The following PARVA variants were observed in gnomAD, a reference collection of about 807,000 sequenced individuals.
PARVA encodes the protein parvin alpha, also known as alpha-parvin.
PARVA carries 25 observed loss-of-function variants against 52.6 expected under a neutral mutation model. That is an observed-to-expected ratio of 0.48 (90% CI 0.35 to 0.66). PARVA has a LOEUF of 0.66. PARVA is among the 30% of genes least tolerant of loss of function. The pLI, the probability that PARVA is intolerant of heterozygous loss-of-function variation, is 0.01. For missense variants in PARVA, 373 were observed against 450.9 expected (o/e 0.83, Z 1.56); for synonymous variants, 185 against 179.1 (o/e 1.03, Z -0.26).
At chr11:12,380,193 G>A (rs1939465144) in intron 1 of PARVA, among the ~76,000 whole-genome samples, 1 of 140,086 alleles carries the variant, frequency 7.1e-6, no homozygotes, top group Non-Finnish European at 1.5e-5. Flanking sequence ...GGAAAAAGAA[G>A]GCCAATTTAG....
intron 1 of PARVA, among the ~76,000 whole-genome samples, chr11:12,390,912 G>T (rs1302147061): frequency 6.6e-6 from 1 of 152,016 alleles, no homozygotes; most frequent in Non-Finnish European, 1.5e-5. Context: ...CAGCTCTCAG[G>T]ATACAGGCAA....
intron 1 of PARVA, among the ~76,000 whole-genome samples, chr11:12,412,468 CA>C (rs1011689623): frequency 4.3e-4 from 65 of 152,170 alleles, no homozygotes; most frequent in Admixed American, 7.2e-4. Context: ...AAAGGACCAC[CA>C]GGGGGCTCCG....
chr11:12,407,623 G>T (rs1360266509), intron 1 of PARVA, among the ~76,000 whole-genome samples: 1 of 152,100 alleles, frequency 6.6e-6, no homozygotes, highest in Non-Finnish European at 1.5e-5. Context: ...TCTCCTCTTG[G>T]TCTCTTCTCA....
intron 1 of PARVA, among the ~76,000 whole-genome samples, chr11:12,402,478 T>C (rs901768823): frequency 1.3e-5 from 2 of 152,212 alleles, no homozygotes; most frequent in African/African-American, 4.8e-5. Context: ...ATTTCCTTTT[T>C]CCCCCTTGGT....
At chr11:12,401,787 C>A (rs770261673) in intron 1 of PARVA, among the ~76,000 whole-genome samples, 1 of 152,138 alleles carries the variant, frequency 6.6e-6, no homozygotes, top group Non-Finnish European at 1.5e-5. Flanking sequence ...ATCAAGACAG[C>A]CTAATATGTT....
intron 1 of PARVA, among the ~76,000 whole-genome samples, chr11:12,414,484 G>A (rs562734497): frequency 7.8e-4 from 119 of 152,310 alleles, no homozygotes; most frequent in African/African-American, 2.5e-3. Context: ...GGATCTTAAC[G>A]CTCTAAAACT....
intron 4 of PARVA, chr11:12,480,200 G>A (rs1473370346): frequency 6.8e-6 from 1 of 146,956 alleles, no homozygotes; most frequent in African/African-American, 2.5e-5. Context: ...CTCTAGCATG[G>A]GGGACAGAGT....
intron 4 of PARVA, among the ~76,000 whole-genome samples, chr11:12,481,388 T>C (rs962558485): frequency 1.3e-5 from 2 of 152,184 alleles, no homozygotes; most frequent in Non-Finnish European, 1.5e-5. Context: ...TTGGGAGCTC[T>C]TTCAGGTTGC....
intron 1 of PARVA, among the ~76,000 whole-genome samples, chr11:12,425,682 A>G (rs1465623332): frequency 6.6e-6 from 1 of 152,150 alleles, no homozygotes; most frequent in East Asian, 1.9e-4. Flanking sequence ...GTTATTATGT[A>G]CATCTCATAT....
At chr11:12,471,731 T>A (rs1308416385) in intron 1 of PARVA, among the ~76,000 whole-genome samples, 1 of 152,220 alleles carries the variant, frequency 6.6e-6, no homozygotes. Flanking sequence ...CATTGAGTAC[T>A]TGAAATGTGG....
intron 1 of PARVA, among the ~76,000 whole-genome samples, chr11:12,421,098 G>GGC (rs10622435): frequency 6.6e-6 from 1 of 150,436 alleles, no homozygotes; most frequent in South Asian, 2.2e-4. Context: ...TGTCTTGGTG[G>GGC]TCGGAGCTTG....
intron 1 of PARVA, among the ~76,000 whole-genome samples, chr11:12,386,947 G>A (rs950212947): frequency 3.3e-5 from 5 of 152,164 alleles, no homozygotes; most frequent in Non-Finnish European, 5.9e-5. Flanking sequence ...AGTGGGCCCC[G>A]GCCCAAGGAC....
At chr11:12,516,339 A>G (rs1255400251) in intron 10 of PARVA, among the ~76,000 whole-genome samples, 2 of 152,178 alleles carry the variant, frequency 1.3e-5, no homozygotes, top group African/African-American at 4.8e-5. Context: ...CTCCTTTGAA[A>G]GGGTTCTAGA....
At chr11:12,527,818 A>G in intron 12 of PARVA, 31 bp from the exon 13 acceptor site, 1 of 1,559,034 alleles carries the variant, frequency 6.4e-7, no homozygotes, top group Non-Finnish European at 8.9e-7. Context: ...GGCCCCATGG[A>G]AACAATTGGT....
intron 5 of PARVA, among the ~76,000 whole-genome samples, chr11:12,498,043 ATT>A (rs1333779947): frequency 6.6e-6 from 1 of 151,914 alleles, no homozygotes; most frequent in East Asian, 1.9e-4. Context: ...TACTATTATT[ATT>A]TTTTTGTAGA....
chr11:12,523,580 G>C (rs185812604), intron 12 of PARVA, among the ~76,000 whole-genome samples: 1 of 152,056 alleles, frequency 6.6e-6, no homozygotes, highest in East Asian at 1.9e-4. Context: ...ACTCATTTTC[G>C]ATGGTCCTCT....
At position 12,435,968 on chromosome 11, in the gene PARVA, G is replaced by A. The variant is rs145108271; in HGVS notation, c.137-37777G>A. Among the ~76,000 whole-genome samples, 1,508 of 152,056 alleles carry A rather than the reference G, an allele frequency of 9.9e-3. 15 individuals are homozygous for A. The highest frequency in any genetic ancestry group is 0.027 in the African/African-American group (1,099 of 41,466). On this transcript the variant is annotated intron_variant, in intron 1 of 12. Transcript: ENST00000334956. ...CTCCTGAGTAGCTGGGACTACAGGC[G>A]CGTACCACCACACACAGCTAATTTT...
chr11:12,497,023 G>A lies in PARVA; in HGVS notation c.541+425G>A, dbSNP rs759023534. ...CAGTTCTGTCTATTCCAAAGCCCGC[G>A]CCCTTCCAATCCCCCTTCATTTTCT... is the stretch of plus-strand genomic sequence containing the variant. On this transcript the variant is annotated intron_variant, in intron 5 of 12. Coordinates refer to ENST00000334956, the MANE Select transcript of PARVA (RefSeq NM_018222.5). Among the ~76,000 whole-genome samples the A allele has an allele frequency of 5.9e-4, 90 of 152,166 alleles. No homozygotes were observed. In the Middle Eastern group the frequency reaches 0.01, roughly 17 times the overall value.
chr11:12,420,598 G>A (rs1347246870), intron 1 of PARVA, among the ~76,000 whole-genome samples: 3 of 152,166 alleles, frequency 2.0e-5, no homozygotes, highest in African/African-American at 7.2e-5. Flanking sequence ...CTGGAAGTAA[G>A]GATTGTCCTT....
Sources: allele counts gnomAD v4.1 joint callset (sites outside exome capture counted in the v4.1 genomes callset), GRCh38; gene constraint gnomAD v4.1.1; transcripts MANE v1.5; gene names NCBI Gene and HGNC (gene_info 2026-07-23, HGNC 2026-07-21).